Variants in TACC2 observed in about 807,000 individuals in gnomAD.
TACC2 encodes transforming acidic coiled-coil containing protein 2.
Under a neutral mutation model 227.3 loss-of-function variants are expected in TACC2, and 137 were observed. The observed-to-expected ratio is 0.60, with a 90% confidence interval of 0.52 to 0.69. The LOEUF (loss-of-function observed/expected upper bound fraction) is 0.69. Ranked by LOEUF, TACC2 falls within the 30% of genes least tolerant of loss-of-function variation. The probability of loss-of-function intolerance (pLI) is 0.00; values close to 1 mark genes in which losing one functional copy is unlikely to be tolerated. For missense variants in TACC2, 3,470 were observed against 3,694.4 expected (o/e 0.94, Z 1.57); for synonymous variants, 1,523 against 1,487.5 (o/e 1.02, Z -0.55).
intron 5 of TACC2, 94 bp from the exon 6 acceptor site, chr10:122,132,515 C>T (rs931419650): frequency 4.7e-6 from 7 of 1,500,478 alleles, no homozygotes; most frequent in East Asian, 2.3e-5. Flanking sequence ...CGCCATTGCC[C>T]TCCAGCCTGG....
rs1033369781 is a variant in TACC2 at position 122,226,310 on chromosome 10, C to T, written c.7609-56C>T. On this transcript the variant is annotated intron_variant, in intron 12 of 22. Transcript: ENST00000369005. ...TGAAGAGTGCTCCAGTTTTCATCTC[C>T]GTTGCACGTTCAGGCCAACTGTACC... 2.6e-5 allele frequency: 31 copies of T among 1,199,800 alleles called. 1 individual carries two copies. The highest frequency in any genetic ancestry group is 2.3e-4 in the Admixed American group (13 of 56,470). The allele number at this position is 1,199,800 out of a possible 1,614,324, so 74.3% of individuals were successfully genotyped here.
At chr10:122,028,088 T>TTTTTTTTTTCTTTCTTTCTTTTTTTC (rs1217270392) in intron 2 of TACC2, among the ~76,000 whole-genome samples, 1 of 110,004 alleles carries the variant, frequency 9.1e-6, no homozygotes, top group Non-Finnish European at 1.8e-5. Context: ...TTCTTTCTTT[T>TTTTTTTTTTCTTTCTTTCTTTTTTTC]TTTTTTTTTT....
At chr10:122,218,221 G>A (rs190691450) in intron 11 of TACC2, among the ~76,000 whole-genome samples, 109 of 152,294 alleles carry the variant, frequency 7.2e-4, no homozygotes, top group African/African-American at 2.6e-3. Flanking sequence ...GGGATTACAC[G>A]TGTGAGCCAC....
intron 7 of TACC2, among the ~76,000 whole-genome samples, chr10:122,177,983 G>A (rs2093801944): frequency 6.6e-6 from 1 of 152,154 alleles, no homozygotes; most frequent in Admixed American, 6.5e-5. Context: ...ACAATGATAG[G>A]ATAGCTGAGC....
At chr10:122,132,082 G>GGAAGGAAGGA (rs1555059268) in intron 5 of TACC2, among the ~76,000 whole-genome samples, 1 of 135,994 alleles carries the variant, frequency 7.4e-6, no homozygotes, top group African/African-American at 3.0e-5. Flanking sequence ...AAGAAAGAAA[G>GGAAGGAAGGA]AGAAAGATCT....
chr10:122,108,448 T>TC (rs1366147116), intron 5 of TACC2, among the ~76,000 whole-genome samples: 5 of 143,628 alleles, frequency 3.5e-5, no homozygotes, highest in Admixed American at 2.8e-4. Flanking sequence ...TTTTCTTTTT[T>TC]TTTTTTTTTT....
intron 3 of TACC2, among the ~76,000 whole-genome samples, chr10:122,060,024 C>T (rs2459091): frequency 0.58 from 88,394 of 151,884 alleles, 26,428 homozygotes; most frequent in Non-Finnish European, 0.65. Flanking sequence ...GGAGGTGATA[C>T]AGGAACTGCG....
chr10:122,094,184 ATGTGTTTCATAAGTAAAATGAAGCATC>A (rs1481061890), intron 5 of TACC2, among the ~76,000 whole-genome samples: 1 of 152,228 alleles, frequency 6.6e-6, no homozygotes, highest in African/African-American at 2.4e-5. Context: ...TGCAGCCTTT[ATGTGTTTCATAAGTAAAATGAAGCATC>A]TGTGTTTCAT....
intron 5 of TACC2, among the ~76,000 whole-genome samples, chr10:122,121,680 C>T (rs1380920322): frequency 6.8e-6 from 1 of 147,992 alleles, no homozygotes; most frequent in East Asian, 2.0e-4. Context: ...CAAAGCATCA[C>T]ATTGTATCAG....
chr10:122,050,880 C>T lies in TACC2; in HGVS notation c.146+330C>T, dbSNP rs1181226839. 6 of 246,524 alleles carry T rather than the reference C, an allele frequency of 2.4e-5. No homozygotes were observed. The highest frequency in any genetic ancestry group is 9.4e-5 in the East Asian group (1 of 10,598). The allele number at this position is 246,524 out of a possible 1,614,324, so 15.3% of individuals were successfully genotyped here. On this transcript the variant is annotated intron_variant, in intron 3 of 22. Transcript: ENST00000369005. This position sits in a 1 kb window ranked among gnomAD's most constrained non-coding sequence, Gnocchi z 4.6. ...CCCAGGGGTTTATCAGTGTCTAATC[C>T]GTGGCTAAGTGGAGTCTGTAACTCA... is the stretch of plus-strand genomic sequence containing the variant.
intron 3 of TACC2, among the ~76,000 whole-genome samples, chr10:122,060,094 G>A (rs2076630257): frequency 1.3e-5 from 2 of 152,316 alleles, no homozygotes; most frequent in South Asian, 2.1e-4. Context: ...CCAGGTGGAG[G>A]GACAGGCCTT....
chr10:122,082,951 G>A lies in TACC2; in HGVS notation c.451G>A (p.Ala151Thr), dbSNP rs1198883792. Residue 151 changes from alanine (A) to threonine (T), a missense_variant, in exon 4 of 23, where the codon GCG (alanine) becomes ACG (threonine). Coordinates refer to ENST00000369005, the MANE Select transcript of TACC2 (RefSeq NM_206862.4). ...EPAPNAPGDIAAAFPAERDSS... is the reference protein window; with the variant it reads ...EPAPNAPGDITAAFPAERDSS... ...TGCCCCAAATGCCCCAGGAGACATCGCGGCGGCATTTCCCGCTGAGAGGGA... is the reference window on the plus strand; with the variant it reads ...TGCCCCAAATGCCCCAGGAGACATCACGGCGGCATTTCCCGCTGAGAGGGA... 9 of 1,612,982 alleles carry A rather than the reference G, an allele frequency of 5.6e-6. No homozygotes were observed. Among genetic ancestry groups the A allele is most frequent in the East Asian group, 2.2e-5 (1 of 44,860 alleles).
Position 122,210,562 on chromosome 10 carries a change from T to C in TACC2, c.6137T>C (p.Val2046Ala), listed in dbSNP as rs1183086070. ...TTGGACTTTGACAACATTGAGCTTG[T>C]GGATACCTTTCAGACCTTGGAGCCT... is the stretch of plus-strand genomic sequence containing the variant. ...YNLDFDNIEL[V>A]DTFQTLEPRA... The change falls in exon 9 of 23, where the codon GTG becomes GCG. Residue 2046 changes from valine to alanine, a missense_variant. Physicochemically the swap from Val to Ala is moderately conservative, Grantham distance 64 (BLOSUM62 0). This residue lies in a region of TACC2 where 593 missense variants were observed against 636.6 expected (regional missense o/e 0.93). Transcript: ENST00000369005. The surrounding 1 kb of genome is among the most constrained non-coding windows in gnomAD (Gnocchi z 4.6). The C allele has an allele frequency of 6.2e-7, 1 of 1,614,118 alleles. No individual in the cohort carries two copies. Among genetic ancestry groups the C allele is most frequent in the Non-Finnish European group, 8.5e-7 (1 of 1,180,024 alleles).
At chr10:122,136,338 A>G (rs1200671447) in intron 6 of TACC2, among the ~76,000 whole-genome samples, 2 of 151,972 alleles carry the variant, frequency 1.3e-5, no homozygotes, top group Admixed American at 6.6e-5. Context: ...CCGCCACCCC[A>G]TCCACCTGCA....
intron 7 of TACC2, among the ~76,000 whole-genome samples, chr10:122,187,885 C>T (rs1383887463): frequency 6.6e-6 from 1 of 152,030 alleles, no homozygotes; most frequent in Admixed American, 6.6e-5. Context: ...CATTAATATC[C>T]CCATTTATGT....
At chr10:122,226,884 T>C (rs2095640394) in intron 13 of TACC2, among the ~76,000 whole-genome samples, 1 of 152,224 alleles carries the variant, frequency 6.6e-6, no homozygotes, top group Non-Finnish European at 1.5e-5. Flanking sequence ...ACACACACTT[T>C]ATTCCATCAT....
At chr10:122,204,283 A>C (rs1476491495) in intron 8 of TACC2, among the ~76,000 whole-genome samples, 1 of 152,108 alleles carries the variant, frequency 6.6e-6, no homozygotes, top group African/African-American at 2.4e-5. Context: ...CCTGCTTATA[A>C]AGGATGAGGA....
chr10:122,211,725 A>C lies in TACC2; in HGVS notation c.7283+17A>C. 6.5e-7 allele frequency: 1 copy of C among 1,529,050 alleles called. No individual in the cohort carries two copies. Among genetic ancestry groups the C allele is most frequent in the Non-Finnish European group, 8.7e-7 (1 of 1,143,426 alleles). The allele number at this position is 1,529,050 out of a possible 1,614,324, so 94.7% of individuals were successfully genotyped here. A position where few individuals can be genotyped will look rare whatever the true frequency, so the allele number is the denominator to read the frequency against. ...CCTAAAGACGTAAGTTCAGGGGTGG[A>C]GGTGGTAAGGATCAGAGGCGGGGGT... On this transcript the variant is annotated intron_variant, in intron 9 of 22. Coordinates refer to ENST00000369005, the MANE Select transcript of TACC2 (RefSeq NM_206862.4).
Position 122,211,014 on chromosome 10 carries a change from G to C in TACC2, c.6589G>C (p.Val2197Leu). ...GGAGGAGACGCCCCTTGAGCCCGCT[G>C]TGGGGCCCAAAGCTGCCTGCCCTCT... is the stretch of plus-strand genomic sequence containing the variant. ...LLEETPLEPAVGPKAACPLDS... is the reference protein window; with the variant it reads ...LLEETPLEPALGPKAACPLDS... Residue 2197 changes from valine (V) to leucine (L), a missense_variant, in exon 9 of 23, where the codon GTG (valine) becomes CTG (leucine). Coordinates refer to ENST00000369005, the MANE Select transcript of TACC2 (RefSeq NM_206862.4). 1 of 1,612,288 alleles carries C rather than the reference G, an allele frequency of 6.2e-7. No individual in the cohort carries two copies. The highest frequency in any genetic ancestry group is 8.5e-7 in the Non-Finnish European group (1 of 1,179,342).
Sources: gnomAD v4.1 joint callset for allele counts (sites outside exome capture counted in the v4.1 genomes callset) on GRCh38, gnomAD v4.1.1 for gene constraint, gnomAD v4.1.1 regional missense constraint, Gnocchi (gnomAD v3.1) non-coding constraint, MANE v1.5 for transcripts, NCBI Gene and HGNC (gene_info 2026-07-23, HGNC 2026-07-21) for gene names.